PCED1B: variants seen among roughly 807,000 people sequenced by gnomAD.
The protein encoded by PCED1B is PC-esterase domain-containing protein 1B.
For missense variants in PCED1B, 573 were observed against 573.9 expected, an observed-to-expected ratio of 1.00 and a Z score of 0.02; for synonymous variants, 251 against 246.1, an observed-to-expected ratio of 1.02 and a Z score of -0.19.
intron 2 of PCED1B, among the ~76,000 whole-genome samples, chr12:47,117,739 C>T (rs915167072): frequency 3.9e-5 from 6 of 152,088 alleles, no homozygotes; most frequent in African/African-American, 1.2e-4. Flanking sequence ...GGTCAAATGG[C>T]ATTTCTAGTT....
At chr12:47,138,491 C>T (rs988845008) in intron 2 of PCED1B, 2 of 152,194 alleles carry the variant, frequency 1.3e-5, no homozygotes, top group African/African-American at 4.8e-5. Flanking sequence ...CTTTTGACTT[C>T]CTAACTTTCA....
chr12:47,230,910 ATT>A (rs1375477766), intron 3 of PCED1B, among the ~76,000 whole-genome samples: 1 of 152,230 alleles, frequency 6.6e-6, no homozygotes, highest in Non-Finnish European at 1.5e-5. Context: ...GTTAGGCATT[ATT>A]ACAAACAGTT....
intron 2 of PCED1B, among the ~76,000 whole-genome samples, chr12:47,113,400 A>G (rs1257491673): frequency 1.3e-5 from 2 of 152,176 alleles, no homozygotes; most frequent in Non-Finnish European, 2.9e-5. Context: ...CAACCATGAC[A>G]TGATGAGGCA....
chr12:47,162,121 TG>T (rs533931664), intron 2 of PCED1B, among the ~76,000 whole-genome samples: 44 of 111,362 alleles, frequency 4.0e-4, no homozygotes, highest in East Asian at 8.5e-4. Flanking sequence ...TGTGGGGTGG[TG>T]GGGGGGGGAA....
chr12:47,130,254 T>A (rs967068795), intron 2 of PCED1B, among the ~76,000 whole-genome samples: 3 of 152,146 alleles, frequency 2.0e-5, no homozygotes, highest in African/African-American at 7.2e-5. Flanking sequence ...CACAATTTTT[T>A]GTAAAACAAA....
At chr12:47,223,831 C>T (rs1199504460) in intron 3 of PCED1B, 1 of 152,206 alleles carries the variant, frequency 6.6e-6, no homozygotes, top group Admixed American at 6.5e-5. Context: ...TACTGTCTGG[C>T]AGGCCTTGTA....
At chr12:47,099,115 C>G (rs1938598145) in intron 1 of PCED1B, among the ~76,000 whole-genome samples, 1 of 152,196 alleles carries the variant, frequency 6.6e-6, no homozygotes, top group Non-Finnish European at 1.5e-5. Context: ...TCGCTCCTAT[C>G]AAGAAAGAAT....
intron 2 of PCED1B, among the ~76,000 whole-genome samples, chr12:47,131,317 C>T (rs574805553): frequency 6.6e-6 from 1 of 152,310 alleles, no homozygotes; most frequent in African/African-American, 2.4e-5. Flanking sequence ...GCCCCCAAAA[C>T]GCCCTCCTTA....
intron 2 of PCED1B, among the ~76,000 whole-genome samples, chr12:47,202,327 G>A (rs1402634133): frequency 1.3e-5 from 2 of 152,140 alleles, no homozygotes; most frequent in African/African-American, 2.4e-5. Context: ...AGATGATACC[G>A]CATTGCAGAA....
chr12:47,174,938 C>T (rs4768142), intron 2 of PCED1B, among the ~76,000 whole-genome samples: 35,288 of 152,008 alleles, frequency 0.23, 5,259 homozygotes, highest in Non-Finnish European at 0.33. Context: ...TAGGTAAAGA[C>T]GTGGCAAGGT....
chr12:47,201,521 G>A (rs965886323), intron 2 of PCED1B, among the ~76,000 whole-genome samples: 1 of 151,950 alleles, frequency 6.6e-6, no homozygotes, highest in African/African-American at 2.4e-5. Context: ...TAAAAACAGG[G>A]TTAGTAAAAA....
At chr12:47,186,930 G>A (rs1942289285) in intron 2 of PCED1B, among the ~76,000 whole-genome samples, 1 of 152,102 alleles carries the variant, frequency 6.6e-6, no homozygotes, top group Non-Finnish European at 1.5e-5. Flanking sequence ...ACAACCAATT[G>A]ATAAAGGGAA....
At chr12:47,091,161 A>G (rs1185280487) in intron 1 of PCED1B, among the ~76,000 whole-genome samples, 5 of 152,158 alleles carry the variant, frequency 3.3e-5, no homozygotes, top group Non-Finnish European at 7.4e-5. Context: ...CACAAGTGGT[A>G]TATGATAATT....
intron 2 of PCED1B, among the ~76,000 whole-genome samples, chr12:47,200,512 G>A (rs1173165770): frequency 6.6e-6 from 1 of 152,164 alleles, no homozygotes. Flanking sequence ...AAATGCCACA[G>A]CCACTTCACA....
At chr12:47,198,233 T>C (rs1382389080) in intron 2 of PCED1B, among the ~76,000 whole-genome samples, 1 of 152,136 alleles carries the variant, frequency 6.6e-6, no homozygotes, top group Non-Finnish European at 1.5e-5. Context: ...TACAGGGTGG[T>C]TCAATTGATT....
intron 2 of PCED1B, among the ~76,000 whole-genome samples, chr12:47,158,545 G>A (rs932328216): frequency 3.3e-5 from 5 of 152,060 alleles, no homozygotes; most frequent in Admixed American, 3.3e-4. Flanking sequence ...TTATATTTCA[G>A]ATATCAATCC....
chr12:47,161,052 T>C (rs1406534261), intron 2 of PCED1B, among the ~76,000 whole-genome samples: 4 of 152,186 alleles, frequency 2.6e-5, no homozygotes, highest in Non-Finnish European at 5.9e-5. Context: ...TTGCAACACA[T>C]GCAACAAAAG....
At chr12:47,229,111 C>T (rs933239840) in intron 3 of PCED1B, among the ~76,000 whole-genome samples, 2 of 151,530 alleles carry the variant, frequency 1.3e-5, no homozygotes, top group African/African-American at 2.4e-5. Context: ...ATCCAAAATG[C>T]TTGGAATAAA....
chr12:47,084,679 A>G (rs1937896402), intron 1 of PCED1B, among the ~76,000 whole-genome samples: 1 of 152,236 alleles, frequency 6.6e-6, no homozygotes, highest in Non-Finnish European at 1.5e-5. Context: ...AAAGACCTGC[A>G]TAGGTTAGCT....
Sources: gnomAD v4.1 joint callset for allele counts (sites outside exome capture counted in the v4.1 genomes callset) on GRCh38, gnomAD v4.1.1 for gene constraint, MANE v1.5 for transcripts, NCBI Gene and HGNC (gene_info 2026-07-23, HGNC 2026-07-21) for gene names.